Variants in B4GALT5 observed in about 807,000 individuals in gnomAD.
The protein encoded by B4GALT5 is UDP-Gal:beta-GlcNAc beta-1,4-galactosyltransferase 5.
A neutral mutation model predicts 45.0 loss-of-function variants in B4GALT5; 11 were observed. The observed-to-expected ratio is 0.24, with a 90% CI of 0.15 to 0.40. The LOEUF (loss-of-function observed/expected upper bound fraction) is 0.40. B4GALT5 is among the 10% of genes least tolerant of loss of function. B4GALT5 has a pLI of 1.00. For synonymous variants in B4GALT5, 185 were observed against 182.9 expected, an observed-to-expected ratio of 1.01 and a Z score of -0.09; for missense variants, 337 against 500.2, an observed-to-expected ratio of 0.67 and a Z score of 3.11.
At chr20:49,649,451 G>A (rs761882270) in intron 2 of B4GALT5, among the ~76,000 whole-genome samples, 7 of 151,908 alleles carry the variant, frequency 4.6e-5, no homozygotes, top group South Asian at 2.1e-4. Flanking sequence ...CTGGTGGTGC[G>A]CGCCTGTGGT....
At chr20:49,639,600 T>TAC (rs2085567409) in intron 7 of B4GALT5, 78 bp downstream of exon 7, 1 of 1,556,114 alleles carries the variant, frequency 6.4e-7, no homozygotes, top group Non-Finnish European at 8.7e-7. Flanking sequence ...ATGGCTTGCA[T>TAC]TATATTCCTA....
In B4GALT5 at chr20:49,639,675, T is replaced by C. The variant is rs1188770776; in HGVS notation, c.917+3A>G. On this transcript the variant is annotated splice_donor_region_variant and intron_variant, in intron 7 of 8. Coordinates refer to ENST00000371711, the MANE Select transcript of B4GALT5 (RefSeq NM_004776.4). ...GAAGACACCGAAAGAACGGCAGAGG[T>C]ACCTGTTCCAGAGGTCGTCATCTTC... is the stretch of plus-strand genomic sequence containing the variant. The C allele has an allele frequency of 1.2e-6, 2 of 1,613,226 alleles. No individual in the cohort carries two copies. The highest frequency in any genetic ancestry group is 1.1e-5 in the South Asian group (1 of 91,068).
rs2085552971 is a variant in B4GALT5 at position 49,636,212 on chromosome 20, T to C, written c.*100A>G. The C allele has an allele frequency of 7.1e-7, 1 of 1,415,824 alleles. No homozygotes were observed. The highest frequency in any genetic ancestry group is 2.0e-5 in the Admixed American group (1 of 50,932). The allele number at this position is 1,415,824 out of a possible 1,614,324, so 87.7% of individuals were successfully genotyped here. A position where few individuals can be genotyped will look rare whatever the true frequency, so the allele number is the denominator to read the frequency against. Reference sequence around the variant, plus strand: ...GTGATCCTTCATGAGACACAGTATTTCTGTTCTCTTGCTGTGTAGACCCTC... The same window carrying C: ...GTGATCCTTCATGAGACACAGTATTCCTGTTCTCTTGCTGTGTAGACCCTC... On this transcript the variant is annotated 3_prime_UTR_variant, in exon 9 of 9. Coordinates refer to ENST00000371711, the MANE Select transcript of B4GALT5 (RefSeq NM_004776.4).
At chr20:49,641,053 T>C (rs1279769139) in intron 5 of B4GALT5, among the ~76,000 whole-genome samples, 4 of 152,130 alleles carry the variant, frequency 2.6e-5, no homozygotes, top group African/African-American at 4.8e-5. Context: ...AGGCGGAGGC[T>C]GCAGTGAGCC....
chr20:49,658,707 T>A (rs778397052), intron 1 of B4GALT5, among the ~76,000 whole-genome samples: 1 of 152,070 alleles, frequency 6.6e-6, no homozygotes, highest in Non-Finnish European at 1.5e-5. Flanking sequence ...TCCCCCAGAG[T>A]GCTTTTAAGA....
chr20:49,637,469 T>A, intron 7 of B4GALT5, 27 bp from the exon 8 acceptor site: 1 of 1,566,812 alleles, frequency 6.4e-7, no homozygotes, highest in African/African-American at 1.4e-5. Context: ...GAACAGGCTT[T>A]TAGATACAAC....
intron 1 of B4GALT5, among the ~76,000 whole-genome samples, chr20:49,673,241 G>A (rs371907868): frequency 8.5e-5 from 13 of 152,114 alleles, no homozygotes; most frequent in African/African-American, 2.2e-4. Context: ...TTAGCTGGGC[G>A]TGGTGGTGGA....
chr20:49,646,107 G>A (rs1398933956), intron 3 of B4GALT5, among the ~76,000 whole-genome samples: 2 of 152,234 alleles, frequency 1.3e-5, no homozygotes, highest in African/African-American at 4.8e-5. Context: ...GCTGAGGCAA[G>A]AGGGTTGCTT....
chr20:49,657,676 G>C (rs1260012487), intron 1 of B4GALT5, among the ~76,000 whole-genome samples: 2 of 152,138 alleles, frequency 1.3e-5, no homozygotes, highest in African/African-American at 4.8e-5. Flanking sequence ...TCATCTAACC[G>C]CTTGGCTAAC....
chr20:49,666,150 T>A (rs1403530201), intron 1 of B4GALT5, among the ~76,000 whole-genome samples: 1 of 152,164 alleles, frequency 6.6e-6, no homozygotes, highest in African/African-American at 2.4e-5. Flanking sequence ...AGTATCCACA[T>A]CTAAATTCTT....
At chr20:49,638,829 A>G (rs6125696) in intron 7 of B4GALT5, among the ~76,000 whole-genome samples, 2,449 of 152,352 alleles carry the variant, frequency 0.016, 40 homozygotes, top group East Asian at 0.083. Flanking sequence ...TAAATAGTGG[A>G]AAATGGAAAA....
At chr20:49,674,880 C>T (rs945616564) in intron 1 of B4GALT5, among the ~76,000 whole-genome samples, 12 of 152,180 alleles carry the variant, frequency 7.9e-5, no homozygotes, top group Non-Finnish European at 5.9e-5. Context: ...TAAAACCTGG[C>T]TCCTGCCTCT....
intron 1 of B4GALT5, among the ~76,000 whole-genome samples, chr20:49,685,114 T>C (rs1432437473): frequency 1.3e-5 from 2 of 152,328 alleles, no homozygotes; most frequent in East Asian, 1.9e-4. Flanking sequence ...CAAAGAATAC[T>C]GTCACTCTAG....
chr20:49,648,566 G>A (rs2085608425), intron 2 of B4GALT5, among the ~76,000 whole-genome samples: 1 of 152,202 alleles, frequency 6.6e-6, no homozygotes, highest in Non-Finnish European at 1.5e-5. Flanking sequence ...TCTTGGGTTT[G>A]TTAAGTCTTT....
At chr20:49,706,428 T>A (rs2085884223) in intron 1 of B4GALT5, among the ~76,000 whole-genome samples, 1 of 152,192 alleles carries the variant, frequency 6.6e-6, no homozygotes, top group Non-Finnish European at 1.5e-5. Flanking sequence ...TTGGGCAAGT[T>A]AATGACTCAA....
intron 6 of B4GALT5, 140 bp downstream of exon 6, chr20:49,640,338 C>T: frequency 2.9e-6 from 2 of 701,490 alleles, no homozygotes; most frequent in Non-Finnish European, 4.4e-6. Context: ...AACAGTGCTC[C>T]AATTGTATGG....
chr20:49,705,760 CCTCAGTT>C (rs1568736363), intron 1 of B4GALT5, among the ~76,000 whole-genome samples: 1 of 152,056 alleles, frequency 6.6e-6, no homozygotes, highest in East Asian at 1.9e-4. Context: ...AGTCCAGTCT[CCTCAGTT>C]CACAGAAAAC....
intron 1 of B4GALT5, 64 bp from the exon 2 acceptor site, chr20:49,656,766 A>G (rs2085645135): frequency 6.3e-7 from 1 of 1,589,896 alleles, no homozygotes. Context: ...AAAACATACC[A>G]CATAGCTATG....
chr20:49,647,059 G>A lies in B4GALT5; in HGVS notation c.270C>T (p.Asn90=), dbSNP rs1319811259. The A allele has an allele frequency of 1.2e-6, 2 of 1,613,504 alleles. No individual in the cohort carries two copies. The highest frequency in any genetic ancestry group is 1.7e-6 in the Non-Finnish European group (2 of 1,179,540). Residue 90 remains asparagine, a synonymous_variant, in exon 3 of 9, where the codon AAC becomes AAT. Transcript: ENST00000371711. ...VNDSDYPLDL[N]HSETFLQTTT... ...TAGTTTGCAGGAAGGTTTCACTGTG[G>A]TTCAAGTCAAGAGGATAATCTAGGG...
Sources: gnomAD v4.1 joint callset for allele counts (sites outside exome capture counted in the v4.1 genomes callset) on GRCh38, gnomAD v4.1.1 for gene constraint, MANE v1.5 for transcripts, NCBI Gene and HGNC (gene_info 2026-07-23, HGNC 2026-07-21) for gene names.